Variants in ERBB4 observed in about 807,000 individuals in gnomAD.
ERBB4 encodes the protein receptor tyrosine-protein kinase erbB-4.
A neutral mutation model predicts 158.0 loss-of-function variants in ERBB4; 42 were observed. The observed-to-expected ratio is 0.27, with a 90% CI of 0.21 to 0.34. The LOEUF is 0.34. ERBB4 is among the 10% of genes least tolerant of loss of function. The pLI is 1.00. For missense variants in ERBB4, 1,333 were observed against 1,624.1 expected (o/e 0.82, Z 3.08); for synonymous variants, 583 against 558.7 (o/e 1.04, Z -0.61).
rs773430380 is a variant in ERBB4 at position 211,630,584 on chromosome 2, T to C, written c.1957A>G (p.Ile653Val). 1.2e-6 allele frequency: 2 copies of C among 1,611,210 alleles called. No individual in the cohort carries two copies. Among genetic ancestry groups the C allele is most frequent in the South Asian group, 2.2e-5 (2 of 90,992 alleles). ...AGCCCACCAATTACTCCAGCTGCAATCAGGGGAGTTCTGACAACCAGAATG... is the reference window on the plus strand; with the variant it reads ...AGCCCACCAATTACTCCAGCTGCAACCAGGGGAGTTCTGACAACCAGAATG... Reference protein sequence around the residue: ...TLPQHARTPLIAAGVIGGLFI... With the variant: ...TLPQHARTPLVAAGVIGGLFI... The change falls in exon 17 of 28, where the codon ATT becomes GTT. Residue 653 changes from isoleucine (I) to valine (V), a missense_variant. By Grantham distance (29) the Ile-to-Val change is conservative (BLOSUM62 3). Around this residue, in one of 5 missense-constraint regions of ERBB4, gnomAD observed 245 missense variants for 247.5 expected, o/e 0.99. Transcript: ENST00000342788.
chr2:212,523,925 T>C (rs1452152942), intron 1 of ERBB4, among the ~76,000 whole-genome samples: 3 of 151,984 alleles, frequency 2.0e-5, no homozygotes, highest in African/African-American at 7.2e-5. Context: ...AACTCCTTGA[T>C]GGTGTTTAAC....
intron 1 of ERBB4, among the ~76,000 whole-genome samples, chr2:212,221,433 G>A (rs2083286765): frequency 1.3e-5 from 2 of 151,478 alleles, no homozygotes; most frequent in Non-Finnish European, 3.0e-5. Flanking sequence ...CACACATAAG[G>A]TATAGGTATC....
At chr2:212,265,252 A>G (rs1001801597) in intron 1 of ERBB4, among the ~76,000 whole-genome samples, 1 of 152,110 alleles carries the variant, frequency 6.6e-6, no homozygotes, top group Non-Finnish European at 1.5e-5. Flanking sequence ...GTACGTGTAT[A>G]CACATGACAC....
At chr2:211,867,550 C>T (rs1403374090) in intron 3 of ERBB4, among the ~76,000 whole-genome samples, 1 of 152,112 alleles carries the variant, frequency 6.6e-6, no homozygotes, top group Non-Finnish European at 1.5e-5. Context: ...TTGTAAAAAT[C>T]ACATAAAACA....
chr2:211,551,223 A>G (rs12475861), intron 20 of ERBB4, among the ~76,000 whole-genome samples: 44,745 of 152,062 alleles, frequency 0.29, 9,237 homozygotes, highest in African/African-American at 0.59. Context: ...TTACCATCAA[A>G]TTAGATTCAT....
At chr2:211,626,807 C>T (rs1415171112) in intron 17 of ERBB4, among the ~76,000 whole-genome samples, 69 of 151,858 alleles carry the variant, frequency 4.5e-4, no homozygotes, top group Admixed American at 4.4e-3. Context: ...CGCCTGTAGT[C>T]CCAACTACTC....
chr2:212,383,835 G>A (rs1416203754), intron 1 of ERBB4, among the ~76,000 whole-genome samples: 1 of 151,624 alleles, frequency 6.6e-6, no homozygotes, highest in Non-Finnish European at 1.5e-5. Context: ...TGATTAATTA[G>A]GCACATGTCA....
rs1491111562 is a variant in ERBB4, at chr2:211,580,824, T to TA, written c.2302-18737_2302-18736insT. Among the ~76,000 whole-genome samples, 143 of 13,496 alleles carry TA rather than the reference T, an allele frequency of 0.011. 10 individuals carry two copies. In the Middle Eastern group the frequency reaches 0.2, roughly 19 times the overall value. The allele number at this position is 13,496 out of a possible 152,430, so 8.9% of individuals were successfully genotyped here. A position where few individuals can be genotyped will look rare whatever the true frequency, so the allele number is the denominator to read the frequency against. On this transcript the variant is annotated intron_variant, in intron 19 of 27. Transcript: ENST00000342788. ...TATATATATATATAATATATATATATTATATATATAGATTATATATTATAT... is the reference window on the plus strand; with the variant it reads ...TATATATATATATAATATATATATATATATATATATAGATTATATATTATAT...
intron 1 of ERBB4, among the ~76,000 whole-genome samples, chr2:212,189,073 C>T (rs2082112835): frequency 2.0e-5 from 2 of 98,674 alleles, no homozygotes; most frequent in African/African-American, 4.3e-5. Flanking sequence ...AGATTTCTAA[C>T]TTTTTTTTTG....
intron 1 of ERBB4, among the ~76,000 whole-genome samples, chr2:212,501,206 T>A (rs933128205): frequency 6.6e-6 from 1 of 152,082 alleles, no homozygotes; most frequent in Non-Finnish European, 1.5e-5. Flanking sequence ...ATGAATATAT[T>A]TTCCTTTCCT....
At position 211,382,411 on chromosome 2, in the gene ERBB4, A is replaced by G; in HGVS notation, c.*1204T>C. On this transcript the variant is annotated 3_prime_UTR_variant, in exon 28 of 28. Coordinates refer to ENST00000342788, the MANE Select transcript of ERBB4 (RefSeq NM_005235.3). Reference sequence around the variant, plus strand: ...TTGGTTTGGCATTTCCACAGTCTTTATCTTAGCTCTTTTTTTAAAAATGTA... The same window carrying G: ...TTGGTTTGGCATTTCCACAGTCTTTGTCTTAGCTCTTTTTTTAAAAATGTA... 4.3e-6 allele frequency: 1 copy of G among 232,540 alleles called. No individual in the cohort carries two copies. The highest frequency in any genetic ancestry group is 8.5e-6 in the Non-Finnish European group (1 of 117,388). 14.4% of individuals were successfully genotyped at this position (232,540 alleles called of 1,614,324 possible).
chr2:212,168,517 T>G (rs912916508), intron 1 of ERBB4, among the ~76,000 whole-genome samples: 1 of 152,138 alleles, frequency 6.6e-6, no homozygotes, highest in Non-Finnish European at 1.5e-5. Flanking sequence ...GACATACATT[T>G]CATAATTCCA....
intron 2 of ERBB4, among the ~76,000 whole-genome samples, chr2:212,006,126 G>A (rs1353142286): frequency 6.6e-6 from 1 of 152,136 alleles, no homozygotes; most frequent in East Asian, 1.9e-4. Context: ...AATGCATCAA[G>A]TGAATTTTAT....
intron 2 of ERBB4, among the ~76,000 whole-genome samples, chr2:211,997,062 A>G (rs2082216685): frequency 6.6e-6 from 1 of 152,208 alleles, no homozygotes; most frequent in African/African-American, 2.4e-5. Flanking sequence ...AAGGTCTGCA[A>G]CTTTCACTAT....
chr2:212,421,810 G>A (rs1199130103), intron 1 of ERBB4, among the ~76,000 whole-genome samples: 1 of 152,074 alleles, frequency 6.6e-6, no homozygotes, highest in African/African-American at 2.4e-5. Flanking sequence ...ATAATGTATT[G>A]GAGTCATCTG....
intron 20 of ERBB4, among the ~76,000 whole-genome samples, chr2:211,504,945 G>A (rs2065708050): frequency 1.3e-5 from 2 of 152,062 alleles, no homozygotes; most frequent in Admixed American, 6.5e-5. Context: ...GAGAAATATA[G>A]CATATGAAAA....
intron 20 of ERBB4, among the ~76,000 whole-genome samples, chr2:211,508,986 A>G (rs2065822901): frequency 6.6e-6 from 1 of 152,134 alleles, no homozygotes; most frequent in Non-Finnish European, 1.5e-5. Context: ...CATATACAGC[A>G]TGGAATACTA....
intron 1 of ERBB4, among the ~76,000 whole-genome samples, chr2:212,245,833 T>A (rs141325295): frequency 1.5e-4 from 23 of 152,258 alleles, no homozygotes; most frequent in African/African-American, 5.1e-4. Flanking sequence ...GCTCTTTTTC[T>A]TGTGCTCTCT....
At chr2:212,105,092 C>G (rs1460312526) in intron 2 of ERBB4, among the ~76,000 whole-genome samples, 3 of 152,180 alleles carry the variant, frequency 2.0e-5, no homozygotes, top group Admixed American at 2.0e-4. Flanking sequence ...AATCAGATGA[C>G]TTCTGGAAAT....
Sources: gnomAD v4.1 joint callset for allele counts (sites outside exome capture counted in the v4.1 genomes callset) on GRCh38, gnomAD v4.1.1 for gene constraint, gnomAD v4.1.1 regional missense constraint, MANE v1.5 for transcripts, NCBI Gene and HGNC (gene_info 2026-07-23, HGNC 2026-07-21) for gene names.